The following STK33 variants were observed in gnomAD, a reference collection of about 807,000 sequenced individuals.
STK33 encodes serine/threonine kinase 33, also known as serine/threonine-protein kinase 33.
A neutral mutation model predicts 58.0 loss-of-function variants in STK33; 52 were observed. The ratio of observed to expected loss-of-function variants is 0.90; its 90% CI spans 0.72 to 1.13. The LOEUF (loss-of-function observed/expected upper bound fraction) is 1.13. STK33 is among the 50% of genes most tolerant of loss of function. STK33 has a pLI of 0.00. For synonymous variants in STK33, 215 were observed against 200.1 expected (o/e 1.07, Z -0.63); for missense variants, 630 against 604.2 (o/e 1.04, Z -0.45).
the STK33 span, among the ~76,000 whole-genome samples, chr11:8,347,262 T>C: frequency 1.0e-3 from 158 of 152,372 alleles, 1 homozygote; most frequent in Admixed American, 4.4e-3. Flanking sequence ...TACTGCTGCC[T>C]TTTGGGCTTC....
At chr11:8,467,126 G>C (rs1467173777) in intron 6 of STK33, 1 of 152,176 alleles carries the variant, frequency 6.6e-6, no homozygotes, top group African/African-American at 2.4e-5. Flanking sequence ...GACATGCCCT[G>C]GAGACATTTT....
the STK33 span, among the ~76,000 whole-genome samples, chr11:8,351,954 G>C: frequency 6.6e-6 from 1 of 152,202 alleles, no homozygotes; most frequent in Non-Finnish European, 1.5e-5. Flanking sequence ...CGGCGCTCAC[G>C]GTCGGAGGAC....
At chr11:8,483,590 A>C (rs1949996826) in intron 1 of STK33, among the ~76,000 whole-genome samples, 1 of 152,156 alleles carries the variant, frequency 6.6e-6, no homozygotes, top group East Asian at 1.9e-4. Context: ...CAAATTCAAC[A>C]CTAACTCTTC....
At chr11:8,489,066 C>A (rs1950387195) in intron 1 of STK33, among the ~76,000 whole-genome samples, 1 of 151,738 alleles carries the variant, frequency 6.6e-6, no homozygotes, top group African/African-American at 2.4e-5. Context: ...CAAGACCAGC[C>A]TTGGCAACAG....
intron 13 of STK33, 122 bp downstream of exon 13, chr11:8,435,905 T>C (rs948779768): frequency 4.3e-5 from 23 of 538,756 alleles, no homozygotes; most frequent in Non-Finnish European, 6.4e-5. Flanking sequence ...CACAAGTAAA[T>C]AGTGTTCATT....
intron 2 of STK33, among the ~76,000 whole-genome samples, chr11:8,479,750 G>A (rs1463287768): frequency 3.9e-5 from 6 of 152,126 alleles, no homozygotes; most frequent in Admixed American, 3.9e-4. Flanking sequence ...GGCTGAGGTT[G>A]GAAAATCGTT....
At chr11:8,404,195 G>A (rs1167497082) in intron 15 of STK33, among the ~76,000 whole-genome samples, 1 of 152,214 alleles carries the variant, frequency 6.6e-6, no homozygotes, top group Non-Finnish European at 1.5e-5. Context: ...AAGGTTACTT[G>A]CATAAAGATC....
intron 6 of STK33, chr11:8,467,606 T>C (rs1948339754): frequency 6.6e-6 from 1 of 152,358 alleles, no homozygotes; most frequent in South Asian, 2.1e-4. Context: ...TCCTGTCTTG[T>C]TCTGAGCCCT....
Position 8,431,641 on chromosome 11 carries a change from A to G in STK33, c.1146+3853T>C, listed in dbSNP as rs544040566. 1.8e-4 allele frequency among the ~76,000 whole-genome samples: 28 copies of G among 152,318 alleles called. No individual in the cohort carries two copies. The South Asian group carries it at 1.9e-3, about 10-fold the overall frequency. On this transcript the variant is annotated intron_variant, in intron 14 of 15. Transcript: ENST00000687296. ...AATAAAATGATACTTGCAACAATCA[A>G]TATAGACATTTGAGTGATTGATGTC...
At chr11:8,547,702 T>G (rs892836911) in intron 1 of STK33, among the ~76,000 whole-genome samples, 1 of 152,240 alleles carries the variant, frequency 6.6e-6, no homozygotes, top group African/African-American at 2.4e-5. Flanking sequence ...TTTCCTTTGC[T>G]GTGCAAAAGC....
chr11:8,380,713 T>TACCA, the STK33 span, among the ~76,000 whole-genome samples: 1 of 152,156 alleles, frequency 6.6e-6, no homozygotes, highest in African/African-American at 2.4e-5. Context: ...AAAGTAGATC[T>TACCA]ACCATTCAAT....
intron 9 of STK33, among the ~76,000 whole-genome samples, chr11:8,455,323 A>G (rs1198869946): frequency 6.6e-6 from 1 of 152,182 alleles, no homozygotes; most frequent in African/African-American, 2.4e-5. Context: ...ACATCAACAC[A>G]CATTTTCCTA....
chr11:8,539,356 G>A (rs1369909480), intron 1 of STK33, among the ~76,000 whole-genome samples: 1 of 152,144 alleles, frequency 6.6e-6, no homozygotes, highest in Non-Finnish European at 1.5e-5. Flanking sequence ...TCAGTGAGGT[G>A]ATGAATCTCT....
chr11:8,365,793 C>T, the STK33 span, among the ~76,000 whole-genome samples: 22 of 152,162 alleles, frequency 1.4e-4, 1 homozygote, highest in African/African-American at 5.1e-4. Flanking sequence ...AACACAGACT[C>T]TCTGCCATTA....
intron 1 of STK33, among the ~76,000 whole-genome samples, chr11:8,557,307 AGGAGGAGGAGAAAAGAAAG>A (rs1956831207): frequency 9.7e-6 from 1 of 102,768 alleles, no homozygotes; most frequent in African/African-American, 4.3e-5. Flanking sequence ...GAGGAGAGGG[AGGAGGAGGAGAAAAGAAAG>A]AGGGAGGCAA....
At chr11:8,364,369 T>C in the STK33 span, among the ~76,000 whole-genome samples, 1 of 152,238 alleles carries the variant, frequency 6.6e-6, no homozygotes, top group Non-Finnish European at 1.5e-5. Flanking sequence ...TTCTGAAGTG[T>C]CATGTGGGTT....
At chr11:8,406,710 C>T (rs1939280874) in intron 15 of STK33, among the ~76,000 whole-genome samples, 2 of 152,062 alleles carry the variant, frequency 1.3e-5, no homozygotes, top group Non-Finnish European at 2.9e-5. Context: ...ATCTTGCATC[C>T]AGCAACCTCT....
chr11:8,562,665 T>C (rs997266247), intron 1 of STK33, among the ~76,000 whole-genome samples: 1 of 152,192 alleles, frequency 6.6e-6, no homozygotes, highest in South Asian at 2.1e-4. Context: ...ATTAGTTTCA[T>C]GATAAGGAAT....
In STK33 at chr11:8,474,680, C is replaced by A; in HGVS notation, c.225+1G>T. 6.3e-7 allele frequency: 1 copy of A among 1,597,768 alleles called. No individual in the cohort carries two copies. The highest frequency in any genetic ancestry group is 1.1e-5 in the South Asian group (1 of 87,840). ...TTAGATGTGGAATCTTTGATATTTACCAAATCTTTCCTGGAGGTTATATCT... is the reference window on the plus strand; with the variant it reads ...TTAGATGTGGAATCTTTGATATTTAACAAATCTTTCCTGGAGGTTATATCT... On this transcript the variant is annotated splice_donor_variant, in intron 5 of 15. Coordinates refer to ENST00000687296, the MANE Select transcript of STK33 (RefSeq NM_001352389.2). LOFTEE classifies it high-confidence loss of function.
Sources: gnomAD v4.1 joint callset for allele counts (sites outside exome capture counted in the v4.1 genomes callset) on GRCh38, gnomAD v4.1.1 for gene constraint, MANE v1.5 for transcripts, NCBI Gene and HGNC (gene_info 2026-07-23, HGNC 2026-07-21) for gene names.